The following SLC35F4 variants were observed in gnomAD, a reference collection of about 807,000 sequenced individuals.
SLC35F4 encodes solute carrier family 35 member F4, also known as chromosome 14 open reading frame 36.
A neutral mutation model predicts 44.2 loss-of-function variants in SLC35F4; 24 were observed. The ratio of observed to expected loss-of-function variants is 0.54; its 90% CI spans 0.39 to 0.76. The LOEUF (loss-of-function observed/expected upper bound fraction) is 0.76, where lower values mean the gene tolerates loss of function less well. Ranked by LOEUF, SLC35F4 falls within the 30% of genes least tolerant of loss-of-function variation. The pLI is 0.00. For synonymous variants in SLC35F4, 238 were observed against 223.6 expected, an observed-to-expected ratio of 1.06 and a Z score of -0.57; for missense variants, 562 against 586.1, an observed-to-expected ratio of 0.96 and a Z score of 0.42.
At chr14:57,659,326 G>GA (rs1416310911) in intron 1 of SLC35F4, among the ~76,000 whole-genome samples, 1 of 152,090 alleles carries the variant, frequency 6.6e-6, no homozygotes, top group African/African-American at 2.4e-5. Flanking sequence ...TGCAGCAAGG[G>GA]AAAAAAGAAC....
At chr14:57,951,445 C>T (rs889870297) in intron 1 of SLC35F4, among the ~76,000 whole-genome samples, 3 of 152,062 alleles carry the variant, frequency 2.0e-5, no homozygotes, top group Non-Finnish European at 4.4e-5. Context: ...CCATTCAATC[C>T]CCTGGAAAAG....
At chr14:57,882,539 G>A (rs1888557440) in intron 1 of SLC35F4, among the ~76,000 whole-genome samples, 1 of 152,098 alleles carries the variant, frequency 6.6e-6, no homozygotes, top group East Asian at 1.9e-4. Context: ...TATAGGCAGA[G>A]AGGCCATCTT....
chr14:57,883,018 G>A (rs1888569559), intron 1 of SLC35F4, among the ~76,000 whole-genome samples: 1 of 151,110 alleles, frequency 6.6e-6, no homozygotes, highest in African/African-American at 2.4e-5. Flanking sequence ...GGAGGAGGAG[G>A]AGAGGAGGGG....
upstream of SLC35F4, among the ~76,000 whole-genome samples, chr14:57,870,701 C>T (rs1888280128): frequency 6.6e-6 from 1 of 152,152 alleles, no homozygotes; most frequent in Non-Finnish European, 1.5e-5. Context: ...CCTGGCACAT[C>T]GTGGGTACAC....
chr14:57,623,583 G>C (rs2072313925), intron 1 of SLC35F4, among the ~76,000 whole-genome samples: 1 of 152,066 alleles, frequency 6.6e-6, no homozygotes, highest in Non-Finnish European at 1.5e-5. Context: ...AAATGCAAAA[G>C]AATGGAAATC....
intron 2 of SLC35F4, 56 bp downstream of exon 2, chr14:57,593,883 T>C (rs1299637752): frequency 1.3e-6 from 2 of 1,570,820 alleles, no homozygotes; most frequent in Non-Finnish European, 1.7e-6. Context: ...GCGAGATCTT[T>C]CTATTTAGAA....
At chr14:57,959,834 T>C (rs1290312704) in intron 1 of SLC35F4, among the ~76,000 whole-genome samples, 1 of 152,174 alleles carries the variant, frequency 6.6e-6, no homozygotes, top group Non-Finnish European at 1.5e-5. Context: ...ACAATTGCTA[T>C]GGTTACTGAT....
intron 1 of SLC35F4, among the ~76,000 whole-genome samples, chr14:57,925,156 G>A (rs1889531667): frequency 6.6e-6 from 1 of 152,088 alleles, no homozygotes; most frequent in Middle Eastern, 3.4e-3. Flanking sequence ...ATTAATGAGG[G>A]ATTCACTCCC....
At chr14:57,688,757 T>C (rs8018878) in intron 1 of SLC35F4, among the ~76,000 whole-genome samples, 22,830 of 152,100 alleles carry the variant, frequency 0.15, 1,887 homozygotes, top group East Asian at 0.29. Context: ...TACTGGCTCA[T>C]ACTCATTTGT....
At chr14:57,721,114 C>A (rs1317762036) in intron 1 of SLC35F4, among the ~76,000 whole-genome samples, 1 of 149,404 alleles carries the variant, frequency 6.7e-6, no homozygotes, top group Non-Finnish European at 1.5e-5. Context: ...GGAGTGGCTC[C>A]AGAGGAACAG....
chr14:57,946,655 T>C (rs1458164807), intron 1 of SLC35F4, among the ~76,000 whole-genome samples: 1 of 151,780 alleles, frequency 6.6e-6, no homozygotes, highest in Admixed American at 6.6e-5. Flanking sequence ...TTTGTATTTT[T>C]AGTAGAGATA....
chr14:57,620,056 G>C (rs1703451), intron 1 of SLC35F4, among the ~76,000 whole-genome samples: 106,752 of 151,706 alleles, frequency 0.7, 38,389 homozygotes, highest in Middle Eastern at 0.79. Context: ...AAGACCAAAT[G>C]TGTGTTTGAT....
chr14:57,875,977 C>A (rs1490773757), intron 1 of SLC35F4, among the ~76,000 whole-genome samples: 1 of 152,198 alleles, frequency 6.6e-6, no homozygotes, highest in Non-Finnish European at 1.5e-5. Flanking sequence ...ATCTTCCAAC[C>A]ATGGGTTAAC....
intron 1 of SLC35F4, among the ~76,000 whole-genome samples, chr14:57,784,835 G>A (rs2077717614): frequency 6.6e-6 from 1 of 152,012 alleles, no homozygotes; most frequent in South Asian, 2.1e-4. Context: ...ACCCCTCCTT[G>A]TCCTCTTCCT....
chr14:57,753,197 A>G (rs1298260760), intron 1 of SLC35F4, among the ~76,000 whole-genome samples: 2 of 152,204 alleles, frequency 1.3e-5, no homozygotes, highest in Admixed American at 6.5e-5. Flanking sequence ...TGGTTTCTGC[A>G]AAGATGGCAT....
intron 1 of SLC35F4, among the ~76,000 whole-genome samples, chr14:57,666,333 T>C (rs1481473741): frequency 6.6e-6 from 1 of 152,220 alleles, no homozygotes; most frequent in Non-Finnish European, 1.5e-5. Flanking sequence ...CAATTTCATG[T>C]AGACTTCACT....
intron 3 of SLC35F4, among the ~76,000 whole-genome samples, chr14:57,582,863 G>A (rs774302128): frequency 6.6e-6 from 1 of 152,208 alleles, no homozygotes; most frequent in East Asian, 1.9e-4. Context: ...GGACCACGTG[G>A]AGAGGAGGAG....
At chr14:57,853,235 C>T (rs555331403) in intron 1 of SLC35F4, among the ~76,000 whole-genome samples, 1 of 152,248 alleles carries the variant, frequency 6.6e-6, no homozygotes, top group Non-Finnish European at 1.5e-5. Context: ...TAAATAGACA[C>T]TTGGATTTTC....
At position 57,930,399 on chromosome 14, in the gene SLC35F4, T is replaced by A. The variant is rs541443382; in HGVS notation, n.282+51514A>T. Among the ~76,000 whole-genome samples the A allele has an allele frequency of 2.8e-4, 42 of 152,266 alleles. 1 individual carries two copies. The highest frequency in any genetic ancestry group is 2.0e-3 in the Admixed American group (30 of 15,294). ...CCTATTGCACAGTGTTCCATTAACC[T>A]CTTACCTCTCCCTGTGCCAGTTGCT... On this transcript the variant is annotated intron_variant and non_coding_transcript_variant, in intron 1 of 1. Transcript: ENST00000556568.
Sources: gnomAD v4.1 joint callset for allele counts (sites outside exome capture counted in the v4.1 genomes callset) on GRCh38, gnomAD v4.1.1 for gene constraint, MANE v1.5 for transcripts, NCBI Gene and HGNC (gene_info 2026-07-23, HGNC 2026-07-21) for gene names.